SOX6: variants seen among roughly 807,000 people sequenced by gnomAD.
SOX6 encodes the protein SRY-box transcription factor 6, also known as transcription factor SOX-6.
SOX6 carries 11 observed loss-of-function variants against 97.8 expected under a neutral mutation model. That is an observed-to-expected ratio of 0.11 (90% CI 0.07 to 0.19). The LOEUF is 0.19. Ranked by LOEUF, SOX6 falls within the 10% of genes least tolerant of loss-of-function variation. The probability of loss-of-function intolerance (pLI) is 1.00; values close to 1 mark genes in which losing one functional copy is unlikely to be tolerated. For missense variants in SOX6, 810 were observed against 1,039.5 expected (o/e 0.78, Z 3.04); for synonymous variants, 360 against 371.4 (o/e 0.97, Z 0.35).
chr11:16,591,213 A>T (rs1474008238), intron 4 of SOX6, among the ~76,000 whole-genome samples: 4 of 152,082 alleles, frequency 2.6e-5, no homozygotes, highest in African/African-American at 7.2e-5. Flanking sequence ...TAGTTTCCAA[A>T]CCTGAGAATA....
At position 15,967,792 on chromosome 11, in the gene SOX6, C is replaced by G. The variant is rs1429817587; in HGVS notation, c.*5017G>C. On this transcript the variant is annotated 3_prime_UTR_variant, in exon 16 of 16. Transcript: ENST00000683767. ...CTTGTGGTTCTTCAGGAATAAGAAACTACTGAGCAAGATATGTCACTGAGT... is the reference window on the plus strand; with the variant it reads ...CTTGTGGTTCTTCAGGAATAAGAAAGTACTGAGCAAGATATGTCACTGAGT... 2 of 152,190 alleles carry G rather than the reference C, an allele frequency of 1.3e-5. No homozygotes were observed. The highest frequency in any genetic ancestry group is 6.5e-5 in the Admixed American group (1 of 15,284). The allele number at this position is 152,190 out of a possible 1,614,324, so 9.4% of individuals were successfully genotyped here.
At chr11:16,513,434 AC>A (rs1308691185) in intron 4 of SOX6, among the ~76,000 whole-genome samples, 1 of 152,028 alleles carries the variant, frequency 6.6e-6, no homozygotes, top group Admixed American at 6.6e-5. Context: ...GAAGTTTGAG[AC>A]CAGCCTGGCC....
At chr11:16,431,033 C>T (rs902650229) in intron 1 of SOX6, among the ~76,000 whole-genome samples, 7 of 152,122 alleles carry the variant, frequency 4.6e-5, no homozygotes, top group African/African-American at 1.7e-4. Context: ...TCATCAAGTT[C>T]ACTCCTCTAT....
rs547486575 is a variant in SOX6 at position 16,427,629 on chromosome 11, T to C, written c.-5+48686A>G. Reference sequence around the variant, plus strand: ...TTTGCTGAGAATGATGGTTTCCAGCTTCATACATGTCCCTACAAAGGACAT... The same window carrying C: ...TTTGCTGAGAATGATGGTTTCCAGCCTCATACATGTCCCTACAAAGGACAT... On this transcript the variant is annotated intron_variant, in intron 1 of 15. Coordinates refer to the SOX6 transcript ENST00000396356. Among the ~76,000 whole-genome samples the C allele has an allele frequency of 5.2e-3, 796 of 152,284 alleles. 19 individuals carry two copies. Among genetic ancestry groups the C allele is most frequent in the East Asian group, 0.037 (190 of 5,180 alleles).
At chr11:16,007,573 C>T (rs1854593361) in intron 13 of SOX6, among the ~76,000 whole-genome samples, 1 of 152,064 alleles carries the variant, frequency 6.6e-6, no homozygotes, top group African/African-American at 2.4e-5. Context: ...AGTTTGGTCT[C>T]AATTCCAATC....
At chr11:16,018,165 T>C (rs1451389760) in intron 12 of SOX6, among the ~76,000 whole-genome samples, 1 of 152,092 alleles carries the variant, frequency 6.6e-6, no homozygotes, top group Non-Finnish European at 1.5e-5. Flanking sequence ...CTGATGAATG[T>C]TAAATGTTAC....
At chr11:16,710,837 T>C (rs1398570760) in intron 3 of SOX6, among the ~76,000 whole-genome samples, 2 of 152,198 alleles carry the variant, frequency 1.3e-5, no homozygotes, top group Non-Finnish European at 2.9e-5. Context: ...TCCACATATA[T>C]ATCTCAAAAA....
intron 3 of SOX6, among the ~76,000 whole-genome samples, chr11:16,691,013 G>A (rs1372229191): frequency 2.0e-5 from 3 of 152,126 alleles, no homozygotes; most frequent in African/African-American, 7.2e-5. Context: ...ACAGGATAGG[G>A]GAAACTACGA....
chr11:16,692,606 C>T (rs1320735518), intron 3 of SOX6, among the ~76,000 whole-genome samples: 1 of 152,140 alleles, frequency 6.6e-6, no homozygotes, highest in Non-Finnish European at 1.5e-5. Context: ...GAATATCCAG[C>T]TTGGAGTCTG....
rs201742605 is a variant in SOX6, at chr11:16,145,373, GA to G, written c.778-33451del. ...TCTCAAAATAATAAGAGCTATTTAT[GA>G]CAAACCCACAGCCAATATAATACTG... is the stretch of plus-strand genomic sequence containing the variant. On this transcript the variant is annotated intron_variant, in intron 6 of 15. Transcript: ENST00000683767. 3.2e-3 allele frequency among the ~76,000 whole-genome samples: 480 copies of G among 152,206 alleles called. 5 individuals are homozygous for G. Among genetic ancestry groups the G allele is most frequent in the African/African-American group, 0.011 (460 of 41,514 alleles).
intron 1 of SOX6, among the ~76,000 whole-genome samples, chr11:16,452,725 A>AT (rs751589124): frequency 1.8e-4 from 28 of 152,326 alleles, no homozygotes; most frequent in Middle Eastern, 3.4e-3. Context: ...GAGGAAAAAA[A>AT]TTTTACATAG....
In SOX6 at chr11:16,411,656, C is replaced by T. The variant is rs532815966; in HGVS notation, c.-5+64659G>A. Among the ~76,000 whole-genome samples the T allele has an allele frequency of 2.4e-3, 370 of 152,152 alleles. 1 individual carries two copies. The highest frequency in any genetic ancestry group is 8.7e-3 in the African/African-American group (361 of 41,520). On this transcript the variant is annotated intron_variant, in intron 1 of 15. Coordinates refer to the SOX6 transcript ENST00000396356. ...GCATATTTCAATATAAAAACACAAA[C>T]AAAATGCAGACCTCCTAAAAGAGCA...
chr11:16,522,523 A>G (rs1861085305), intron 4 of SOX6, among the ~76,000 whole-genome samples: 1 of 152,226 alleles, frequency 6.6e-6, no homozygotes, highest in South Asian at 2.1e-4. Context: ...CCACTGCAAA[A>G]TCATGCCAAA....
At chr11:16,514,996 A>G (rs1157162929) in intron 4 of SOX6, among the ~76,000 whole-genome samples, 63 of 151,986 alleles carry the variant, frequency 4.1e-4, no homozygotes, top group Admixed American at 3.7e-3. Context: ...GAACAGTGCC[A>G]CAATAAACAT....
chr11:16,658,021 G>A (rs1847736920), intron 3 of SOX6, among the ~76,000 whole-genome samples: 1 of 152,082 alleles, frequency 6.6e-6, no homozygotes, highest in Admixed American at 6.5e-5. Flanking sequence ...AAATACATAT[G>A]AACATCTCAT....
At chr11:16,724,551 A>C (rs1848292097) in intron 2 of SOX6, among the ~76,000 whole-genome samples, 1 of 152,192 alleles carries the variant, frequency 6.6e-6, no homozygotes, top group Admixed American at 6.5e-5. Context: ...AGAATTTGTT[A>C]GAAATGTAAA....
intron 3 of SOX6, among the ~76,000 whole-genome samples, chr11:16,681,751 T>C (rs549994877): frequency 7.2e-5 from 11 of 152,068 alleles, no homozygotes; most frequent in Admixed American, 4.6e-4. Context: ...AAGAATCAAA[T>C]AGAGACAATA....
intron 2 of SOX6, among the ~76,000 whole-genome samples, chr11:16,731,219 G>A (rs1375315435): frequency 6.7e-6 from 1 of 149,926 alleles, no homozygotes; most frequent in African/African-American, 2.4e-5. Context: ...AATAGAAAAA[G>A]AGCGACTCCT....
At chr11:16,576,545 A>G (rs1023563016) in intron 4 of SOX6, among the ~76,000 whole-genome samples, 5 of 152,228 alleles carry the variant, frequency 3.3e-5, no homozygotes, top group Admixed American at 2.6e-4. Context: ...AATATCATAA[A>G]ATGATGTTTA....
Sources: allele counts gnomAD v4.1 joint callset (sites outside exome capture counted in the v4.1 genomes callset), GRCh38; gene constraint gnomAD v4.1.1; transcripts MANE v1.5; gene names NCBI Gene and HGNC (gene_info 2026-07-23, HGNC 2026-07-21).